The following CCDC38 variants were observed in gnomAD, a reference collection of about 807,000 sequenced individuals.
CCDC38 encodes the protein coiled-coil domain containing 38.
CCDC38 carries 69 observed loss-of-function variants against 72.8 expected under a neutral mutation model. The observed-to-expected ratio is 0.95, with a 90% CI of 0.78 to 1.16. CCDC38 has a LOEUF of 1.16. Among genes scored for constraint, CCDC38 ranks in the 50% most tolerant of loss-of-function variants. The probability of loss-of-function intolerance (pLI) is 0.00; values close to 1 mark genes in which losing one functional copy is unlikely to be tolerated. For missense variants in CCDC38, 626 were observed against 638.9 expected, an observed-to-expected ratio of 0.98 and a Z score of 0.22; for synonymous variants, 201 against 213.2, an observed-to-expected ratio of 0.94 and a Z score of 0.50.
Position 95,879,651 on chromosome 12 carries a change from C to G in CCDC38, c.1135G>C (p.Asp379His). 1 of 1,584,450 alleles carries G rather than the reference C, an allele frequency of 6.3e-7. No individual in the cohort carries two copies. The highest frequency in any genetic ancestry group is 8.6e-7 in the Non-Finnish European group (1 of 1,157,778). ...EVNKREKVIQDKTNSNIEFLL... is the reference protein window; with the variant it reads ...EVNKREKVIQHKTNSNIEFLL... ...TTGTTTATAATGACTTACGTTTTAT[C>G]CTGTATAACTTTTTCTCTTTTGTTT... The change falls in exon 12 of 16, where the codon GAT (aspartate) becomes CAT (histidine). Residue 379 changes from aspartate to histidine, a missense_variant. By Grantham distance (81) the Asp-to-His change is moderately conservative. Coordinates refer to ENST00000344280, the MANE Select transcript of CCDC38 (RefSeq NM_182496.3). This position sits in a 1 kb window ranked among gnomAD's most constrained non-coding sequence, Gnocchi z 5.5.
rs1169899419 is a variant in CCDC38 at position 95,896,055 on chromosome 12, C to CAAA, written c.615-912_615-910dup. Among the ~76,000 whole-genome samples the CAAA allele has an allele frequency of 1.9e-3, 140 of 72,996 alleles. 2 individuals are homozygous for CAAA. The highest frequency in any genetic ancestry group is 6.5e-3 in the African/African-American group (132 of 20,164). The allele number at this position is 72,996 out of a possible 152,430, so 47.9% of individuals were successfully genotyped here. On this transcript the variant is annotated intron_variant, in intron 7 of 15. Coordinates refer to ENST00000344280, the MANE Select transcript of CCDC38 (RefSeq NM_182496.3). The stretch of plus-strand genomic sequence containing the variant: ...TGGGCGACAGAACAAGACTCTGTCT[C>CAAA]AAAAAAAAAAAAAAAAAAAAGAAAG...
At chr12:95,929,521 C>G (rs372268671) in intron 2 of CCDC38, among the ~76,000 whole-genome samples, 3 of 152,312 alleles carry the variant, frequency 2.0e-5, no homozygotes, top group Non-Finnish European at 2.9e-5. Flanking sequence ...ACGCTGGGAG[C>G]TGTAGACGGG....
intron 5 of CCDC38, among the ~76,000 whole-genome samples, chr12:95,904,528 G>A (rs2079981989): frequency 6.6e-6 from 1 of 152,262 alleles, no homozygotes; most frequent in Non-Finnish European, 1.5e-5. Flanking sequence ...CAGAGCCTGA[G>A]TAAGTTCTAA....
rs915583352 is a variant in CCDC38, at chr12:95,924,432, G to T, written c.38-5456C>A. The stretch of plus-strand genomic sequence containing the variant: ...TTGGTTGAGTTCATTGTAGATTCTG[G>T]ATATTAGCCCTTTGTCAGATGAGTA... On this transcript the variant is annotated intron_variant, in intron 2 of 15. Coordinates refer to ENST00000344280, the MANE Select transcript of CCDC38 (RefSeq NM_182496.3). Among the ~76,000 whole-genome samples, 5 of 138,288 alleles carry T rather than the reference G, an allele frequency of 3.6e-5. No individual in the cohort carries two copies. In the East Asian group the frequency reaches 1.4e-3, roughly 39 times the overall value. The allele number at this position is 138,288 out of a possible 152,430, so 90.7% of individuals were successfully genotyped here. A position where few individuals can be genotyped will look rare whatever the true frequency, so the allele number is the denominator to read the frequency against.
chr12:95,906,183 G>A (rs1000299777), intron 5 of CCDC38, among the ~76,000 whole-genome samples: 2 of 152,176 alleles, frequency 1.3e-5, no homozygotes, highest in Non-Finnish European at 2.9e-5. Flanking sequence ...CCTTTGAGAG[G>A]CAGGTCTTTG....
chr12:95,873,020 G>A (rs563040205), intron 13 of CCDC38, among the ~76,000 whole-genome samples: 29 of 152,080 alleles, frequency 1.9e-4, no homozygotes, highest in Non-Finnish European at 4.1e-4. Flanking sequence ...AATTATAATG[G>A]GTGGAATATT....
chr12:95,882,893 G>A (rs1208450799), intron 10 of CCDC38, among the ~76,000 whole-genome samples: 1 of 152,188 alleles, frequency 6.6e-6, no homozygotes, highest in African/African-American at 2.4e-5. Flanking sequence ...GAGCTAAAAT[G>A]AACATCCAAA....
At chr12:95,871,798 G>A (rs2079583646) in intron 14 of CCDC38, among the ~76,000 whole-genome samples, 1 of 151,978 alleles carries the variant, frequency 6.6e-6, no homozygotes, top group Admixed American at 6.5e-5. Context: ...GAGAACCACA[G>A]GTAGATTGAG....
At chr12:95,934,436 G>C (rs2080369201) in intron 2 of CCDC38, 1 of 152,062 alleles carries the variant, frequency 6.6e-6, no homozygotes, top group African/African-American at 2.4e-5. Flanking sequence ...TTGTTGTTTT[G>C]TGAGTAATAA....
At chr12:95,878,540 T>G (rs1365129730) in intron 12 of CCDC38, among the ~76,000 whole-genome samples, 194 bp from the exon 13 acceptor site, 1 of 152,224 alleles carries the variant, frequency 6.6e-6, no homozygotes, top group Non-Finnish European at 1.5e-5. Context: ...GCACAAATGC[T>G]GTTTTTAACT....
At chr12:95,919,532 A>G in intron 2 of CCDC38, 1 of 456,110 alleles carries the variant, frequency 2.2e-6, no homozygotes, top group Non-Finnish European at 4.4e-6. Context: ...TTGCTTTAAC[A>G]GTAGAATGCA....
At chr12:95,938,352 T>C (rs138735261) in intron 1 of CCDC38, among the ~76,000 whole-genome samples, 1 of 152,312 alleles carries the variant, frequency 6.6e-6, no homozygotes, top group East Asian at 1.9e-4. Flanking sequence ...TCATCTCCAC[T>C]CTTAGGATTC....
rs1360845691 is a variant in CCDC38, at chr12:95,918,909, AAGAAAG to A, written c.99_104del (p.Phe34_Leu35del). The A allele has an allele frequency of 1.9e-6, 3 of 1,612,026 alleles. No individual in the cohort carries two copies. The South Asian group carries it at 3.3e-5, about 18-fold the overall frequency. ...TTGCTGCCATTTCATTTTCTTTGAC[AAGAAAG>A]AGATCTCTGAAAAAGATCTTATAAG... On this transcript the variant is annotated inframe_deletion, in exon 3 of 16. Coordinates refer to ENST00000344280, the MANE Select transcript of CCDC38 (RefSeq NM_182496.3).
At chr12:95,937,537 C>A (rs1460849907) in intron 1 of CCDC38, among the ~76,000 whole-genome samples, 1 of 152,106 alleles carries the variant, frequency 6.6e-6, no homozygotes, top group African/African-American at 2.4e-5. Flanking sequence ...AAGATATATT[C>A]ATTTTGGGGA....
rs749505082 is a variant in CCDC38, at chr12:95,867,231, A to G, written c.1579-42T>C. On this transcript the variant is annotated intron_variant, in intron 15 of 15. Transcript: ENST00000344280. Reference sequence around the variant, plus strand: ...ACAAAATACTTAATATTTTTTGAGCATAGCCATTTTCTATTGAAATTTGTG... The same window carrying G: ...ACAAAATACTTAATATTTTTTGAGCGTAGCCATTTTCTATTGAAATTTGTG... 4 of 1,050,186 alleles carry G rather than the reference A, an allele frequency of 3.8e-6. No individual in the cohort carries two copies. In the Admixed American group the frequency reaches 8.1e-5, roughly 21 times the overall value. 65.1% of individuals were successfully genotyped at this position (1,050,186 alleles called of 1,614,324 possible).
chr12:95,932,200 T>C (rs2080345274), intron 2 of CCDC38, among the ~76,000 whole-genome samples: 1 of 152,044 alleles, frequency 6.6e-6, no homozygotes, highest in East Asian at 1.9e-4. Context: ...GAGTCAAGGA[T>C]TGAGATCAGA....
At chr12:95,921,371 T>A (rs2080206304) in intron 2 of CCDC38, among the ~76,000 whole-genome samples, 1 of 152,154 alleles carries the variant, frequency 6.6e-6, no homozygotes, top group Admixed American at 6.5e-5. Flanking sequence ...TGAGACTCGG[T>A]AGTTTACAAA....
intron 2 of CCDC38, among the ~76,000 whole-genome samples, chr12:95,930,868 A>G (rs573230457): frequency 6.6e-6 from 1 of 152,262 alleles, no homozygotes; most frequent in East Asian, 1.9e-4. Context: ...ATCAAATTCT[A>G]GTAGCTGAAT....
chr12:95,920,437 A>T (rs2080192349), intron 2 of CCDC38, among the ~76,000 whole-genome samples: 1 of 152,220 alleles, frequency 6.6e-6, no homozygotes, highest in East Asian at 1.9e-4. Context: ...TATTAGCAGC[A>T]TGAGAACAGA....
Sources: allele counts gnomAD v4.1 joint callset (sites outside exome capture counted in the v4.1 genomes callset), GRCh38; gene constraint gnomAD v4.1.1; non-coding constraint Gnocchi (gnomAD v3.1); transcripts MANE v1.5; gene names NCBI Gene and HGNC (gene_info 2026-07-23, HGNC 2026-07-21).